The following PROS1 variants were observed in gnomAD, a reference collection of about 807,000 sequenced individuals.
PROS1 encodes protein S.
A neutral mutation model predicts 75.9 loss-of-function variants in PROS1; 29 were observed. The observed-to-expected ratio is 0.38, with a 90% CI of 0.28 to 0.52. The LOEUF is 0.52. PROS1 is among the 20% of genes least tolerant of loss of function. The probability of loss-of-function intolerance (pLI) is 0.83; values close to 1 mark genes in which losing one functional copy is unlikely to be tolerated. For missense variants in PROS1, 680 were observed against 810.3 expected, an observed-to-expected ratio of 0.84 and a Z score of 1.95; for synonymous variants, 245 against 280.6, an observed-to-expected ratio of 0.87 and a Z score of 1.27.
At chr3:93,954,099 T>G (rs573579229) in intron 1 of PROS1, among the ~76,000 whole-genome samples, 111 of 152,180 alleles carry the variant, frequency 7.3e-4, no homozygotes, top group African/African-American at 2.6e-3. Context: ...TGGAAGAACA[T>G]TCCATGCTCA....
At chr3:93,910,967 G>T in intron 3 of PROS1, 1 of 427,718 alleles carries the variant, frequency 2.3e-6, no homozygotes. Flanking sequence ...AAAGTCAGAA[G>T]TGAAAAAAAC....
intron 1 of PROS1, among the ~76,000 whole-genome samples, chr3:93,933,693 G>A (rs1468424937): frequency 6.6e-6 from 1 of 152,202 alleles, no homozygotes; most frequent in African/African-American, 2.4e-5. Context: ...GGAGGCCGAG[G>A]TGAGCTGATC....
At chr3:93,889,021 C>A (rs1017723569) in intron 10 of PROS1, among the ~76,000 whole-genome samples, 1 of 152,112 alleles carries the variant, frequency 6.6e-6, no homozygotes, top group Non-Finnish European at 1.5e-5. Flanking sequence ...CCTCAAATAC[C>A]AAACACATCC....
intron 1 of PROS1, among the ~76,000 whole-genome samples, chr3:93,972,599 G>A (rs1256188766): frequency 2.0e-5 from 3 of 151,974 alleles, no homozygotes; most frequent in Non-Finnish European, 2.9e-5. Flanking sequence ...AGCACTTTGG[G>A]AGGCCAAGGC....
intron 1 of PROS1, among the ~76,000 whole-genome samples, chr3:93,930,285 G>A (rs1050295814): frequency 6.6e-6 from 1 of 152,210 alleles, no homozygotes; most frequent in Non-Finnish European, 1.5e-5. Context: ...CCTGTCAACA[G>A]TGAAAGAGCC....
At position 93,968,114 on chromosome 3, in the gene PROS1, T is replaced by C. The variant is rs1297179088; in HGVS notation, c.76+5560A>G. 4 of 152,148 alleles carry C rather than the reference T, an allele frequency of 2.6e-5. No homozygotes were observed. The South Asian group carries it at 8.3e-4, about 32-fold the overall frequency. 9.4% of individuals were successfully genotyped at this position (152,148 alleles called of 1,614,324 possible). A position where few individuals can be genotyped will look rare whatever the true frequency, so the allele number is the denominator to read the frequency against. On this transcript the variant is annotated intron_variant, in intron 1 of 14. Transcript: ENST00000394236. Reference sequence around the variant, plus strand: ...AAGAAGTACTTGTCATGATATGATGTTTAATGACTGCTATGGCTGACCCCA... The same window carrying C: ...AAGAAGTACTTGTCATGATATGATGCTTAATGACTGCTATGGCTGACCCCA...
At position 93,874,130 on chromosome 3, in the gene PROS1, A is replaced by T. The variant is rs1708147886; in HGVS notation, c.*115T>A. On this transcript the variant is annotated 3_prime_UTR_variant, in exon 15 of 15. Transcript: ENST00000394236. The stretch of plus-strand genomic sequence containing the variant: ...AAAGGACCTTTTAAAAATCCCAGGA[A>T]AGGACCACAAAATAATCAAAGACTG... 9 of 1,220,840 alleles carry T rather than the reference A, an allele frequency of 7.4e-6. No homozygotes were observed. Among genetic ancestry groups the T allele is most frequent in the Non-Finnish European group, 1.0e-5 (9 of 859,474 alleles). 75.6% of individuals were successfully genotyped at this position (1,220,840 alleles called of 1,614,324 possible).
At chr3:93,948,181 A>G (rs1709435732) in intron 1 of PROS1, among the ~76,000 whole-genome samples, 1 of 152,172 alleles carries the variant, frequency 6.6e-6, no homozygotes, top group Admixed American at 6.5e-5. Flanking sequence ...AACAAGAATG[A>G]CCCAAAAGAA....
At chr3:93,874,513 A>G in intron 14 of PROS1, 108 bp from the exon 15 acceptor site, 5 of 1,435,688 alleles carry the variant, frequency 3.5e-6, no homozygotes. Flanking sequence ...TTCTAATCCT[A>G]AAGGAAAAGT....
chr3:93,902,310 TAATAA>T (rs1166223667), intron 6 of PROS1, among the ~76,000 whole-genome samples: 2 of 152,014 alleles, frequency 1.3e-5, no homozygotes, highest in South Asian at 2.1e-4. Context: ...AATAAATAAA[TAATAA>T]AATAAAATAA....
intron 6 of PROS1, among the ~76,000 whole-genome samples, chr3:93,902,001 C>A (rs1708603269): frequency 6.6e-6 from 1 of 152,126 alleles, no homozygotes; most frequent in South Asian, 2.1e-4. Flanking sequence ...ACTGTCTCTA[C>A]AAAGTTTTTT....
At chr3:93,924,663 C>CTT (rs368011620) in intron 2 of PROS1, among the ~76,000 whole-genome samples, 18 of 136,650 alleles carry the variant, frequency 1.3e-4, no homozygotes, top group African/African-American at 3.5e-4. Flanking sequence ...AACGTACTCT[C>CTT]TTTTTTTTTT....
chr3:93,898,317 A>G, intron 8 of PROS1, 131 bp downstream of exon 8: 1 of 1,074,404 alleles, frequency 9.3e-7, no homozygotes, highest in Non-Finnish European at 1.4e-6. Flanking sequence ...ATCATGACTC[A>G]TAACCTGCTT....
At chr3:93,943,078 G>A (rs1255287175) in intron 1 of PROS1, among the ~76,000 whole-genome samples, 2 of 152,116 alleles carry the variant, frequency 1.3e-5, no homozygotes, top group Non-Finnish European at 1.5e-5. Context: ...CCTCTATACA[G>A]TCCAATAACG....
intron 7 of PROS1, among the ~76,000 whole-genome samples, chr3:93,898,842 T>A (rs1268030285): frequency 3.9e-5 from 6 of 152,084 alleles, no homozygotes; most frequent in Admixed American, 3.9e-4. Flanking sequence ...ACCAAATTTC[T>A]CATTTTGAAT....
chr3:93,941,330 T>A (rs1325949111), intron 1 of PROS1, among the ~76,000 whole-genome samples: 1 of 152,080 alleles, frequency 6.6e-6, no homozygotes, highest in Non-Finnish European at 1.5e-5. Flanking sequence ...TTCTTCTCCA[T>A]CCATTACCTA....
intron 6 of PROS1, among the ~76,000 whole-genome samples, chr3:93,902,528 A>C (rs1708610431): frequency 6.6e-6 from 1 of 152,180 alleles, no homozygotes; most frequent in African/African-American, 2.4e-5. Context: ...CAAGGTGGGC[A>C]GATCACTTGA....
At chr3:93,966,074 G>A (rs1709786034) in intron 1 of PROS1, among the ~76,000 whole-genome samples, 1 of 151,976 alleles carries the variant, frequency 6.6e-6, no homozygotes, top group African/African-American at 2.4e-5. Flanking sequence ...GCCTCTCTGT[G>A]GTATACCAAT....
chr3:93,973,718 A>G lies in PROS1; in HGVS notation c.32T>C (p.Leu11Pro). Residue 11 changes from leucine (L) to proline (P), a missense_variant, in exon 1 of 15, where the codon CTG becomes CCG. Coordinates refer to ENST00000394236, the MANE Select transcript of PROS1 (RefSeq NM_000313.4). MRVLGGRCGA[L>P]LACLLLVLPV... The stretch of plus-strand genomic sequence containing the variant: ...AAGCACTAGGAGGAGACACGCCAGC[A>G]GCGCCCCGCAGCGCCCACCCAGGAC... 6.2e-7 allele frequency: 1 copy of G among 1,613,838 alleles called. No homozygotes were observed. The highest frequency in any genetic ancestry group is 8.5e-7 in the Non-Finnish European group (1 of 1,179,894).
Sources: allele counts gnomAD v4.1 joint callset (sites outside exome capture counted in the v4.1 genomes callset), GRCh38; gene constraint gnomAD v4.1.1; transcripts MANE v1.5; gene names NCBI Gene and HGNC (gene_info 2026-07-23, HGNC 2026-07-21).